MAP2K5: variants seen among roughly 807,000 people sequenced by gnomAD.
The protein encoded by MAP2K5 is mitogen-activated protein kinase kinase 5.
MAP2K5 carries 49 observed loss-of-function variants against 83.1 expected under a neutral mutation model. That is an observed-to-expected ratio of 0.59 (90% CI 0.47 to 0.75). The LOEUF (loss-of-function observed/expected upper bound fraction) is 0.75. MAP2K5 is among the 30% of genes least tolerant of loss of function. The pLI, the probability that MAP2K5 is intolerant of heterozygous loss-of-function variation, is 0.00. For missense variants in MAP2K5, 457 were observed against 557.5 expected (o/e 0.82, Z 1.82); for synonymous variants, 202 against 191.8 (o/e 1.05, Z -0.44).
At chr15:67,547,439 T>G (rs921138782) in intron 1 of MAP2K5, among the ~76,000 whole-genome samples, 1 of 150,494 alleles carries the variant, frequency 6.6e-6, no homozygotes, top group Non-Finnish European at 1.5e-5. Context: ...ATATGTAAAC[T>G]TCGGTTTTCT....
At chr15:67,566,023 G>A (rs897649420) in intron 3 of MAP2K5, among the ~76,000 whole-genome samples, 2 of 152,184 alleles carry the variant, frequency 1.3e-5, no homozygotes, top group African/African-American at 4.8e-5. Context: ...TTACCAGCAT[G>A]TTCCTACAAA....
Position 67,722,633 on chromosome 15 carries a change from C to G in MAP2K5, c.1045-5283C>G, listed in dbSNP as rs10518739. On this transcript the variant is annotated intron_variant, in intron 16 of 21. Transcript: ENST00000178640. The surrounding 1 kb of genome is among the most constrained non-coding windows in gnomAD (Gnocchi z 4.2). ...AGCATAGTTTCAGATGATTTAAACT[C>G]TTTCTCTAGGACTGTGTAAATTGGT... 6.6e-6 allele frequency among the ~76,000 whole-genome samples: 1 copy of G among 151,958 alleles called. No homozygotes were observed. Among genetic ancestry groups the G allele is most frequent in the Non-Finnish European group, 1.5e-5 (1 of 67,968 alleles).
At chr15:67,635,245 G>A (rs2086575121) in intron 9 of MAP2K5, among the ~76,000 whole-genome samples, 1 of 150,930 alleles carries the variant, frequency 6.6e-6, no homozygotes, top group Admixed American at 6.6e-5. Flanking sequence ...GAGTGCAGTG[G>A]TGCGATCTCG....
chr15:67,679,395 A>T (rs1394851348), intron 13 of MAP2K5, among the ~76,000 whole-genome samples: 1 of 151,922 alleles, frequency 6.6e-6, no homozygotes, highest in Non-Finnish European at 1.5e-5. Flanking sequence ...CAGTGGGGGG[A>T]AAAAATCAGT....
rs1448376908 is a variant in MAP2K5 at position 67,585,888 on chromosome 15, A to G, written c.323-2A>G. 6.2e-7 allele frequency: 1 copy of G among 1,613,798 alleles called. No homozygotes were observed. The highest frequency in any genetic ancestry group is 8.5e-7 in the Non-Finnish European group (1 of 1,179,680). On this transcript the variant is annotated splice_acceptor_variant, in intron 4 of 21. Coordinates refer to ENST00000178640, the MANE Select transcript of MAP2K5 (RefSeq NM_145160.3). LOFTEE classifies it high-confidence loss of function. ...CTACAATTTAGTCAATTACTGTTTC[A>G]GCCTGCAAGCCTCCTGGGGAACGGA... is the stretch of plus-strand genomic sequence containing the variant.
At chr15:67,620,714 G>A (rs187796493) in intron 8 of MAP2K5, among the ~76,000 whole-genome samples, 1 of 152,260 alleles carries the variant, frequency 6.6e-6, no homozygotes, top group African/African-American at 2.4e-5. Flanking sequence ...CTTGATTGAA[G>A]TTAAAACATT....
rs2084971154 is a variant in MAP2K5 at position 67,572,620 on chromosome 15, G to A, written c.253-8134G>A. Among the ~76,000 whole-genome samples the A allele has an allele frequency of 6.6e-6, 1 of 152,132 alleles. No homozygotes were observed. Among genetic ancestry groups the A allele is most frequent in the Non-Finnish European group, 1.5e-5 (1 of 68,018 alleles). ...TGTATAGGATAAAAAAGGATCATGG[G>A]GAGATGTGCTCTGCTACAAGGGTTT... On this transcript the variant is annotated intron_variant, in intron 3 of 21. Transcript: ENST00000178640. The surrounding 1 kb of genome is among the most constrained non-coding windows in gnomAD (Gnocchi z 4.2).
intron 1 of MAP2K5, among the ~76,000 whole-genome samples, chr15:67,548,719 A>G (rs2084445698): frequency 6.6e-6 from 1 of 152,198 alleles, no homozygotes; most frequent in African/African-American, 2.4e-5. Flanking sequence ...TTTCCTGTCA[A>G]TAAATACTTT....
At chr15:67,683,886 C>T (rs1203673388) in intron 13 of MAP2K5, among the ~76,000 whole-genome samples, 1 of 152,172 alleles carries the variant, frequency 6.6e-6, no homozygotes, top group African/African-American at 2.4e-5. Context: ...CAGTTATCTT[C>T]AAACTTTAGA....
intron 8 of MAP2K5, among the ~76,000 whole-genome samples, chr15:67,609,972 T>C (rs2085880912): frequency 6.6e-6 from 1 of 152,190 alleles, no homozygotes; most frequent in South Asian, 2.1e-4. Context: ...TTTTAGTCCT[T>C]AGTAAATCCT....
intron 11 of MAP2K5, among the ~76,000 whole-genome samples, chr15:67,651,919 G>C (rs2086965362): frequency 6.6e-6 from 1 of 152,056 alleles, no homozygotes; most frequent in Non-Finnish European, 1.5e-5. Flanking sequence ...TCTATTTTTA[G>C]TTTTTTTGAG....
chr15:67,675,161 G>A lies in MAP2K5; in HGVS notation c.847+10516G>A, dbSNP rs550779531. Reference sequence around the variant, plus strand: ...AACCTGTACGCAAGTGTTTATTGCAGCTCTATTCATCATAGCCAAAAACTG... The same window carrying A: ...AACCTGTACGCAAGTGTTTATTGCAACTCTATTCATCATAGCCAAAAACTG... On this transcript the variant is annotated intron_variant, in intron 13 of 21. Coordinates refer to ENST00000178640, the MANE Select transcript of MAP2K5 (RefSeq NM_145160.3). Among the ~76,000 whole-genome samples the A allele has an allele frequency of 8.0e-4, 122 of 152,322 alleles. 1 individual carries two copies. Among genetic ancestry groups the A allele is most frequent in the African/African-American group, 2.9e-3 (119 of 41,562 alleles).
intron 7 of MAP2K5, among the ~76,000 whole-genome samples, chr15:67,597,125 C>T (rs555484696): frequency 1.1e-4 from 17 of 150,224 alleles, no homozygotes; most frequent in Admixed American, 3.3e-4. Context: ...GCCGAGATCA[C>T]GTCACTGCAC....
chr15:67,561,582 A>T lies in MAP2K5; in HGVS notation c.185-1701A>T, dbSNP rs2084738803. ...AGACAGTGTGATCTTGATGATACCG[A>T]TTCACACTGAGTTGGGGAACTCTGC... On this transcript the variant is annotated intron_variant, in intron 2 of 21. Transcript: ENST00000178640. This position sits in a 1 kb window ranked among gnomAD's most constrained non-coding sequence, Gnocchi z 4.2. Among the ~76,000 whole-genome samples, 1 of 152,176 alleles carries T rather than the reference A, an allele frequency of 6.6e-6. No homozygotes were observed. Among genetic ancestry groups the T allele is most frequent in the African/African-American group, 2.4e-5 (1 of 41,442 alleles).
At chr15:67,566,297 C>T (rs1315633833) in intron 3 of MAP2K5, among the ~76,000 whole-genome samples, 1 of 152,102 alleles carries the variant, frequency 6.6e-6, no homozygotes, top group Non-Finnish European at 1.5e-5. Flanking sequence ...GCCTCAGCCT[C>T]CCGGGTAGCT....
intron 21 of MAP2K5, among the ~76,000 whole-genome samples, chr15:67,787,321 CTCTT>C (rs1350067756): frequency 1.3e-5 from 2 of 152,224 alleles, no homozygotes; most frequent in African/African-American, 4.8e-5. Context: ...TCACTTGTCT[CTCTT>C]TCTGCATCTT....
chr15:67,763,086 A>T (rs1242258711), intron 19 of MAP2K5, among the ~76,000 whole-genome samples: 1 of 152,140 alleles, frequency 6.6e-6, no homozygotes, highest in Non-Finnish European at 1.5e-5. Context: ...GATGAGTAAA[A>T]GGCGGGCTTT....
Position 67,702,873 on chromosome 15 carries a change from T to C in MAP2K5, c.973-464T>C. ...CTATAAGTTTGAAATTATTTTCAAATAAAAAATTAAAAGAAACCCTCCTGT... is the reference window on the plus strand; with the variant it reads ...CTATAAGTTTGAAATTATTTTCAAACAAAAAATTAAAAGAAACCCTCCTGT... On this transcript the variant is annotated intron_variant, in intron 15 of 21. Coordinates refer to ENST00000178640, the MANE Select transcript of MAP2K5 (RefSeq NM_145160.3). The surrounding 1 kb of genome is among the most constrained non-coding windows in gnomAD (Gnocchi z 4.6). Among the ~76,000 whole-genome samples the C allele has an allele frequency of 6.6e-6, 1 of 152,296 alleles. No homozygotes were observed.
At chr15:67,739,966 G>A (rs2089456894) in intron 17 of MAP2K5, among the ~76,000 whole-genome samples, 1 of 152,154 alleles carries the variant, frequency 6.6e-6, no homozygotes, top group South Asian at 2.1e-4. Flanking sequence ...ATGTGGTAGG[G>A]AGCTTTAGGG....
Sources: allele counts gnomAD v4.1 joint callset (sites outside exome capture counted in the v4.1 genomes callset), GRCh38; gene constraint gnomAD v4.1.1; non-coding constraint Gnocchi (gnomAD v3.1); transcripts MANE v1.5; gene names NCBI Gene and HGNC (gene_info 2026-07-23, HGNC 2026-07-21).